SLC25A13: variants seen among roughly 807,000 people sequenced by gnomAD.
The protein encoded by SLC25A13 is electrogenic aspartate/glutamate antiporter SLC25A13, mitochondrial.
SLC25A13 carries 70 observed loss-of-function variants against 85.5 expected under a neutral mutation model. That is an observed-to-expected ratio of 0.82 (90% CI 0.68 to 1.00). The LOEUF (loss-of-function observed/expected upper bound fraction) is 1.00, where lower values mean the gene tolerates loss of function less well. Among genes scored for constraint, SLC25A13 ranks in the 50% least tolerant of loss-of-function variants. SLC25A13 has a pLI of 0.00. For synonymous variants in SLC25A13, 259 were observed against 288.7 expected, an observed-to-expected ratio of 0.90 and a Z score of 1.04; for missense variants, 765 against 819.8, an observed-to-expected ratio of 0.93 and a Z score of 0.82.
chr7:96,192,964 AC>A, intron 6 of SLC25A13, 72 bp downstream of exon 6: 2 of 1,515,282 alleles, frequency 1.3e-6, no homozygotes, highest in Non-Finnish European at 1.8e-6. Context: ...ACACTACATA[AC>A]TTATAAGAAT....
intron 3 of SLC25A13, among the ~76,000 whole-genome samples, chr7:96,258,056 T>C (rs1231735585): frequency 6.6e-6 from 1 of 152,162 alleles, no homozygotes. Flanking sequence ...CAGGTATTCA[T>C]GGAACGTATC....
chr7:96,164,562 G>A (rs1562807247), intron 13 of SLC25A13, among the ~76,000 whole-genome samples: 1 of 152,190 alleles, frequency 6.6e-6, no homozygotes, highest in South Asian at 2.1e-4. Flanking sequence ...CAACTAAGTT[G>A]TCTAATCCTT....
intron 9 of SLC25A13, 126 bp from the exon 10 acceptor site, chr7:96,185,137 ATGTC>A: frequency 4.9e-6 from 3 of 611,938 alleles, no homozygotes; most frequent in Non-Finnish European, 5.4e-6. Context: ...TACAACTAAA[ATGTC>A]AAGGAAAAAA....
chr7:96,231,364 A>C (rs1281434532), intron 4 of SLC25A13, among the ~76,000 whole-genome samples: 1 of 152,144 alleles, frequency 6.6e-6, no homozygotes, highest in Non-Finnish European at 1.5e-5. Flanking sequence ...GCATCTGACA[A>C]AGGTCTAATA....
chr7:96,284,757 A>G (rs1258531892), intron 2 of SLC25A13, among the ~76,000 whole-genome samples: 1 of 152,190 alleles, frequency 6.6e-6, no homozygotes, highest in East Asian at 1.9e-4. Flanking sequence ...CTTGCCTGTC[A>G]CAATATAAGA....
intron 1 of SLC25A13, among the ~76,000 whole-genome samples, chr7:96,311,047 C>T (rs760590691): frequency 9.9e-5 from 15 of 152,094 alleles, no homozygotes; most frequent in Non-Finnish European, 1.3e-4. Context: ...TTTTTTATAA[C>T]AATGATATAT....
At chr7:96,285,709 A>G (rs1267820118) in intron 2 of SLC25A13, among the ~76,000 whole-genome samples, 1 of 152,136 alleles carries the variant, frequency 6.6e-6, no homozygotes, top group Admixed American at 6.5e-5. Context: ...ATGCCTATCC[A>G]TCTGGTCTCT....
intron 13 of SLC25A13, among the ~76,000 whole-genome samples, chr7:96,149,694 GA>G (rs1792950171): frequency 6.6e-6 from 1 of 152,158 alleles, no homozygotes; most frequent in Non-Finnish European, 1.5e-5. Flanking sequence ...GAACTGGAAG[GA>G]AATGAGAGAC....
chr7:96,289,460 G>C (rs1056208024), intron 2 of SLC25A13, among the ~76,000 whole-genome samples: 4 of 152,158 alleles, frequency 2.6e-5, no homozygotes, highest in African/African-American at 9.7e-5. Context: ...AAACTTCTCC[G>C]AGCTAAAGGA....
intron 3 of SLC25A13, among the ~76,000 whole-genome samples, chr7:96,235,249 C>T (rs974016006): frequency 3.3e-5 from 5 of 152,174 alleles, no homozygotes; most frequent in Non-Finnish European, 7.3e-5. Context: ...ATACTTTAGA[C>T]TAAGATGTGA....
At chr7:96,171,903 G>A (rs1237330851) in intron 11 of SLC25A13, among the ~76,000 whole-genome samples, 2 of 152,100 alleles carry the variant, frequency 1.3e-5, no homozygotes, top group East Asian at 1.9e-4. Context: ...GTGGAGCTAC[G>A]TATCTGAACT....
chr7:96,182,711 A>G (rs1416383157), intron 11 of SLC25A13, among the ~76,000 whole-genome samples: 1 of 152,236 alleles, frequency 6.6e-6, no homozygotes, highest in Non-Finnish European at 1.5e-5. Context: ...GTAACCAAAA[A>G]TCAGACCTGC....
At chr7:96,122,043 T>C in intron 15 of SLC25A13, 46 bp from the exon 16 acceptor site, 1 of 1,610,680 alleles carries the variant, frequency 6.2e-7, no homozygotes, top group South Asian at 1.1e-5. Flanking sequence ...ACATTCTCAC[T>C]ATATAAAAAT....
At chr7:96,212,961 G>A (rs989725048) in intron 4 of SLC25A13, among the ~76,000 whole-genome samples, 1 of 152,144 alleles carries the variant, frequency 6.6e-6, no homozygotes, top group African/African-American at 2.4e-5. Context: ...TCTAATTGGA[G>A]AAGCCAAATG....
intron 11 of SLC25A13, among the ~76,000 whole-genome samples, chr7:96,182,029 TAAC>T (rs1035318383): frequency 1.3e-5 from 2 of 152,202 alleles, no homozygotes; most frequent in African/African-American, 4.8e-5. Context: ...TTTTTTAAAT[TAAC>T]AACAATAACC....
At chr7:96,257,234 C>T (rs1306563393) in intron 3 of SLC25A13, among the ~76,000 whole-genome samples, 1 of 151,882 alleles carries the variant, frequency 6.6e-6, no homozygotes, top group South Asian at 2.1e-4. Context: ...GAAGGAGACA[C>T]AGACACAAAA....
At chr7:96,280,431 C>T (rs1282732695) in intron 2 of SLC25A13, among the ~76,000 whole-genome samples, 1 of 151,970 alleles carries the variant, frequency 6.6e-6, no homozygotes, top group African/African-American at 2.4e-5. Context: ...TAAAACAATG[C>T]AAGGCAGGGC....
chr7:96,120,833 T>C lies in SLC25A13; in HGVS notation c.*358A>G, dbSNP rs948426527. On this transcript the variant is annotated 3_prime_UTR_variant, in exon 18 of 18. Transcript: ENST00000265631. ...ACACGAAACACTGCTCTGAGCACCA[T>C]GATTGCCTTACAGTAGCCTCTTTGG... is the stretch of plus-strand genomic sequence containing the variant. 4.3e-6 allele frequency: 2 copies of C among 469,142 alleles called. No individual in the cohort carries two copies. The highest frequency in any genetic ancestry group is 4.2e-6 in the Non-Finnish European group (1 of 236,980). The allele number at this position is 469,142 out of a possible 1,614,324, so 29.1% of individuals were successfully genotyped here. A position where few individuals can be genotyped will look rare whatever the true frequency, so the allele number is the denominator to read the frequency against.
At chr7:96,321,577 C>CT (rs1562976665) in intron 1 of SLC25A13, among the ~76,000 whole-genome samples, 1 of 152,138 alleles carries the variant, frequency 6.6e-6, no homozygotes, top group African/African-American at 2.4e-5. Context: ...CAGGAGCGCG[C>CT]TGGGAAGGTA....
Sources: allele counts gnomAD v4.1 joint callset (sites outside exome capture counted in the v4.1 genomes callset), GRCh38; gene constraint gnomAD v4.1.1; transcripts MANE v1.5; gene names NCBI Gene and HGNC (gene_info 2026-07-23, HGNC 2026-07-21).